Variants in EML1 observed in about 807,000 individuals in gnomAD.
EML1 encodes EMAP like 1.
EML1 carries 27 observed loss-of-function variants against 110.4 expected under a neutral mutation model. The observed-to-expected ratio is 0.24, with a 90% CI of 0.18 to 0.34. The LOEUF is 0.34. Ranked by LOEUF, EML1 falls within the 10% of genes least tolerant of loss-of-function variation. The pLI is 1.00. For synonymous variants in EML1, 344 were observed against 385.8 expected (o/e 0.89, Z 1.27); for missense variants, 741 against 1,030.9 (o/e 0.72, Z 3.85).
rs3818279 is a variant in EML1 at position 99,917,626 on chromosome 14, C to G, written c.1753-156C>G. On this transcript the variant is annotated intron_variant, in intron 15 of 21. Coordinates refer to ENST00000262233, the MANE Select transcript of EML1 (RefSeq NM_004434.3). ...CGCAGCATTCATTCAAGCAGGAAAACATTTTTCTCTAGAAAAGAGACTTTT... is the reference window on the plus strand; with the variant it reads ...CGCAGCATTCATTCAAGCAGGAAAAGATTTTTCTCTAGAAAAGAGACTTTT... Among the ~76,000 whole-genome samples the G allele has an allele frequency of 0.21, 31,988 of 152,134 alleles. 3,841 individuals are homozygous for G. Among genetic ancestry groups the G allele is most frequent in the East Asian group, 0.43 (2,204 of 5,158 alleles).
At chr14:99,908,078 C>T (rs1369816072) in intron 10 of EML1, among the ~76,000 whole-genome samples, 3 of 152,344 alleles carry the variant, frequency 2.0e-5, no homozygotes, top group East Asian at 1.9e-4. Flanking sequence ...CGTGGAGGCC[C>T]GGAAATGTGC....
chr14:99,770,062 A>C (rs1471132751), upstream of EML1, among the ~76,000 whole-genome samples: 1 of 152,120 alleles, frequency 6.6e-6, no homozygotes, highest in Non-Finnish European at 1.5e-5. Context: ...GATGACACTT[A>C]ACCTTTGTAC....
At chr14:99,755,705 C>T (rs908161060) in intron 1 of EML1, among the ~76,000 whole-genome samples, 1 of 152,166 alleles carries the variant, frequency 6.6e-6, no homozygotes, top group South Asian at 2.1e-4. Flanking sequence ...TCTGCAGAAC[C>T]CCAATTCTAA....
At chr14:99,834,315 T>A (rs528758520) in intron 1 of EML1, among the ~76,000 whole-genome samples, 1 of 151,982 alleles carries the variant, frequency 6.6e-6, no homozygotes, top group African/African-American at 2.4e-5. Flanking sequence ...TTTCCTTTTT[T>A]TTTTTGAGAC....
intron 3 of EML1, among the ~76,000 whole-genome samples, chr14:99,872,342 G>A (rs190474035): frequency 6.6e-6 from 1 of 152,158 alleles, no homozygotes; most frequent in Admixed American, 6.5e-5. Flanking sequence ...GAACGAACAC[G>A]TGAAAAATTA....
chr14:99,796,909 A>ATG (rs369237790), intron 1 of EML1, among the ~76,000 whole-genome samples: 5,541 of 142,624 alleles, frequency 0.039, 147 homozygotes, highest in Admixed American at 0.079. Context: ...TTGTGTGTGT[A>ATG]TGTGTGTGTG....
rs751324 is a variant in EML1, at chr14:99,740,679, G to T, written c.28+2819G>T. On this transcript the variant is annotated intron_variant, in intron 1 of 10. Transcript: ENST00000554479. ...GGCCAGCAAAGGCGCTTCCTTTACAGTTGCCTGCATTCTAGGCTTGGCTCT... is the reference window on the plus strand; with the variant it reads ...GGCCAGCAAAGGCGCTTCCTTTACATTTGCCTGCATTCTAGGCTTGGCTCT... Among the ~76,000 whole-genome samples the T allele has an allele frequency of 5.6e-3, 851 of 152,304 alleles. 16 individuals carry two copies. The highest frequency in any genetic ancestry group is 0.035 in the Admixed American group (534 of 15,304).
At position 99,742,615 on chromosome 14, in the gene EML1, G is replaced by A. The variant is rs567992588; in HGVS notation, c.28+4755G>A. Among the ~76,000 whole-genome samples, 26 of 152,206 alleles carry A rather than the reference G, an allele frequency of 1.7e-4. No homozygotes were observed. The South Asian group carries it at 2.7e-3, about 16-fold the overall frequency. On this transcript the variant is annotated intron_variant, in intron 1 of 10. Coordinates refer to the EML1 transcript ENST00000554479. ...GAGCCTGATACTGCCGCCCCTATTAGGAGGGCCCAAAGGACATACTGTCAC... is the reference window on the plus strand; with the variant it reads ...GAGCCTGATACTGCCGCCCCTATTAAGAGGGCCCAAAGGACATACTGTCAC...
intron 1 of EML1, among the ~76,000 whole-genome samples, chr14:99,830,043 C>T (rs1025376199): frequency 6.6e-6 from 1 of 152,154 alleles, no homozygotes; most frequent in African/African-American, 2.4e-5. Flanking sequence ...GGTGATCCTA[C>T]GTTTAACTTT....
intron 1 of EML1, among the ~76,000 whole-genome samples, chr14:99,812,547 C>T (rs1595324348): frequency 1.3e-5 from 2 of 151,918 alleles, no homozygotes; most frequent in African/African-American, 4.8e-5. Flanking sequence ...CGCCTCCCCA[C>T]ATGCATTGTC....
chr14:99,843,768 C>A (rs2058667463), intron 1 of EML1, among the ~76,000 whole-genome samples: 1 of 152,200 alleles, frequency 6.6e-6, no homozygotes, highest in African/African-American at 2.4e-5. Flanking sequence ...ACTCTCCCTG[C>A]CTTCCGCCTG....
At chr14:99,826,302 A>G (rs144041874) in intron 1 of EML1, among the ~76,000 whole-genome samples, 6,361 of 151,808 alleles carry the variant, frequency 0.042, 165 homozygotes, top group African/African-American at 0.058. Flanking sequence ...TAGTAGACAC[A>G]GGGTTTTGCC....
rs898503161 is a variant in EML1, at chr14:99,905,828, G to A, written c.1009-1810G>A. ...GCCTGGAACCCAAGGTCTGTCTAGC[G>A]TCCTTGCCTTTTATTAAGAGGGGCC... is the stretch of plus-strand genomic sequence containing the variant. On this transcript the variant is annotated intron_variant, in intron 9 of 21. Coordinates refer to ENST00000262233, the MANE Select transcript of EML1 (RefSeq NM_004434.3). This position sits in a 1 kb window ranked among gnomAD's most constrained non-coding sequence, Gnocchi z 4.1. 7.2e-5 allele frequency among the ~76,000 whole-genome samples: 11 copies of A among 152,068 alleles called. No individual in the cohort carries two copies. In the East Asian group the frequency reaches 7.7e-4, roughly 11 times the overall value.
intron 1 of EML1, among the ~76,000 whole-genome samples, chr14:99,741,497 C>T (rs777419085): frequency 6.6e-6 from 1 of 152,084 alleles, no homozygotes; most frequent in Non-Finnish European, 1.5e-5. Flanking sequence ...TCTCCAAGTA[C>T]CTCTCTCTGC....
chr14:99,739,065 A>AGTGTGTGTGTGTGT (rs35246718), intron 1 of EML1, among the ~76,000 whole-genome samples: 6,493 of 138,892 alleles, frequency 0.047, 189 homozygotes, highest in East Asian at 0.094. Context: ...AGAGTGTGAG[A>AGTGTGTGTGTGTGT]GTGTGTGTGT....
chr14:99,770,001 C>T (rs959444156), upstream of EML1, among the ~76,000 whole-genome samples: 11 of 152,192 alleles, frequency 7.2e-5, no homozygotes, highest in South Asian at 8.3e-4. Flanking sequence ...CAAACGTTCC[C>T]GCCTCTTTAC....
chr14:99,816,457 C>T (rs186071529), intron 1 of EML1, among the ~76,000 whole-genome samples: 38 of 152,336 alleles, frequency 2.5e-4, no homozygotes, highest in Middle Eastern at 3.4e-3. Context: ...GCCACCGCAC[C>T]CAGCCCATGT....
rs907894736 is a variant in EML1 at position 99,936,875 on chromosome 14, G to A, written c.2095+541G>A. On this transcript the variant is annotated intron_variant, in intron 19 of 21. Coordinates refer to ENST00000262233, the MANE Select transcript of EML1 (RefSeq NM_004434.3). This position sits in a 1 kb window ranked among gnomAD's most constrained non-coding sequence, Gnocchi z 5.5. ...ACTTACAAGCACATCCTCATGCCAC[G>A]CACTGGTTCCTTAGACACCCACCAG... Among the ~76,000 whole-genome samples the A allele has an allele frequency of 2.6e-5, 4 of 152,162 alleles. No individual in the cohort carries two copies. The highest frequency in any genetic ancestry group is 5.9e-5 in the Non-Finnish European group (4 of 68,004).
rs115027751 is a variant in EML1, at chr14:99,863,375, A to G, written c.251-2139A>G. On this transcript the variant is annotated intron_variant, in intron 2 of 21. Transcript: ENST00000262233. ...GTTTCCCTGTCTCCTAGATGGTTTT[A>G]CTTGCATACTTCAAGGTTCACTCTT... Among the ~76,000 whole-genome samples the G allele has an allele frequency of 8.0e-4, 121 of 152,198 alleles. 1 individual carries two copies. The highest frequency in any genetic ancestry group is 2.8e-3 in the African/African-American group (117 of 41,506).
Sources: gnomAD v4.1 joint callset for allele counts (sites outside exome capture counted in the v4.1 genomes callset) on GRCh38, gnomAD v4.1.1 for gene constraint, Gnocchi (gnomAD v3.1) non-coding constraint, MANE v1.5 for transcripts, NCBI Gene and HGNC (gene_info 2026-07-23, HGNC 2026-07-21) for gene names.